Variants in GPC3 observed in about 807,000 individuals in gnomAD.
The protein encoded by GPC3 is glypican-3.
GPC3 carries 3 observed loss-of-function variants against 34.4 expected under a neutral mutation model. The observed-to-expected ratio is 0.09, with a 90% CI of 0.04 to 0.23. The LOEUF is 0.23. Among genes scored for constraint, GPC3 ranks in the 10% least tolerant of loss-of-function variants. GPC3 has a pLI of 1.00. For synonymous variants in GPC3, 177 were observed against 174.0 expected, an observed-to-expected ratio of 1.02 and a Z score of -0.13; for missense variants, 351 against 445.6, an observed-to-expected ratio of 0.79 and a Z score of 1.91.
chrX:133,541,377 CTTTATG>C lies in GPC3; in HGVS notation c.1574-5090_1574-5085del, dbSNP rs752245868. 3.4e-3 allele frequency among the ~76,000 whole-genome samples: 382 copies of C among 111,840 alleles called. 6 individuals are homozygous for C. The Middle Eastern group carries it at 0.046, about 14-fold the overall frequency. On this transcript the variant is annotated intron_variant, in intron 7 of 7. Transcript: ENST00000370818. The stretch of plus-strand genomic sequence containing the variant: ...CCATTCTCTTTTCAATCATTCATAT[CTTTATG>C]TTTATCAGTGATTTTCCAGAATGTA...
chrX:133,630,540 T>C (rs757982680), intron 6 of GPC3, among the ~76,000 whole-genome samples: 5 of 111,922 alleles, frequency 4.5e-5, no homozygotes, highest in Non-Finnish European at 7.5e-5. Context: ...GATGCCTTAA[T>C]GAAATTACGA....
At chrX:133,816,496 T>C (rs1331031495) in intron 2 of GPC3, among the ~76,000 whole-genome samples, 1 of 112,366 alleles carries the variant, frequency 8.9e-6, no homozygotes, top group African/African-American at 3.2e-5. Flanking sequence ...TTTATTATCA[T>C]GGCTACCCTT....
At chrX:133,572,801 G>A (rs2069645034) in intron 7 of GPC3, among the ~76,000 whole-genome samples, 1 of 111,615 alleles carries the variant, frequency 9.0e-6, no homozygotes, top group Admixed American at 9.5e-5. Flanking sequence ...ACAAAGCCCA[G>A]GCCCAGATGG....
chrX:133,563,312 C>T (rs372642021), intron 7 of GPC3, among the ~76,000 whole-genome samples: 1 of 111,257 alleles, frequency 9.0e-6, no homozygotes, highest in African/African-American at 3.3e-5. Flanking sequence ...CTCACTGACA[C>T]CTCAAACCCC....
intron 2 of GPC3, among the ~76,000 whole-genome samples, chrX:133,889,812 T>G (rs1191664812): frequency 3.8e-5 from 4 of 104,506 alleles, no homozygotes; most frequent in Non-Finnish European, 7.8e-5. Context: ...GGTTTCCTAT[T>G]ACCTACGATT....
At chrX:133,583,374 T>A (rs2069752618) in intron 7 of GPC3, among the ~76,000 whole-genome samples, 1 of 111,559 alleles carries the variant, frequency 9.0e-6, no homozygotes, top group South Asian at 3.9e-4. Flanking sequence ...TTATTATTTT[T>A]ATTTTTTTGA....
chrX:133,767,034 A>G (rs943833069), intron 2 of GPC3, among the ~76,000 whole-genome samples: 14 of 112,618 alleles, frequency 1.2e-4, no homozygotes, highest in African/African-American at 3.9e-4. Flanking sequence ...GACAGTAAGT[A>G]GAACAGCCAA....
At chrX:133,591,008 C>T (rs767532489) in intron 7 of GPC3, among the ~76,000 whole-genome samples, 28 of 111,777 alleles carry the variant, frequency 2.5e-4, no homozygotes, top group Non-Finnish European at 4.1e-4. Context: ...TTAGGACATA[C>T]GGGAGAAGCA....
At chrX:133,922,048 C>T (rs779600799) in intron 2 of GPC3, among the ~76,000 whole-genome samples, 4 of 112,593 alleles carry the variant, frequency 3.6e-5, no homozygotes, top group Non-Finnish European at 5.6e-5. Flanking sequence ...TCTGCCCCAT[C>T]TGGAACAGGA....
intron 3 of GPC3, among the ~76,000 whole-genome samples, chrX:133,723,627 T>C (rs2071387535): frequency 9.0e-6 from 1 of 110,660 alleles, no homozygotes; most frequent in Non-Finnish European, 1.9e-5. Context: ...TTGTTCTGAG[T>C]TCATGCAAGA....
chrX:133,887,202 T>C (rs756933032), intron 2 of GPC3, among the ~76,000 whole-genome samples: 2 of 112,286 alleles, frequency 1.8e-5, no homozygotes, highest in South Asian at 7.5e-4. Context: ...GAACAGGGTT[T>C]TACCATGTTG....
At chrX:133,645,861 A>G (rs1475592452) in intron 6 of GPC3, among the ~76,000 whole-genome samples, 1 of 110,854 alleles carries the variant, frequency 9.0e-6, no homozygotes, top group East Asian at 2.8e-4. Context: ...AAGAAAAAAA[A>G]GTGAGGAATT....
chrX:133,713,061 A>G (rs773194742), intron 3 of GPC3, among the ~76,000 whole-genome samples: 22 of 111,682 alleles, frequency 2.0e-4, no homozygotes, highest in African/African-American at 7.1e-4. Context: ...CTTCTGCAGA[A>G]TGTGTTTTTG....
chrX:133,776,322 A>C (rs1028948123), intron 2 of GPC3, among the ~76,000 whole-genome samples: 1 of 111,020 alleles, frequency 9.0e-6, no homozygotes. Context: ...AACAATCCCC[A>C]TGTCTCAGCC....
At chrX:133,655,488 A>C (rs751227635) in intron 6 of GPC3, among the ~76,000 whole-genome samples, 63 of 107,996 alleles carry the variant, frequency 5.8e-4, no homozygotes, top group Non-Finnish European at 4.4e-4. Flanking sequence ...ACACACACAC[A>C]CACACACACA....
chrX:133,752,294 A>G (rs1392557947), intron 3 of GPC3, among the ~76,000 whole-genome samples: 1 of 112,235 alleles, frequency 8.9e-6, no homozygotes, highest in Non-Finnish European at 1.9e-5. Context: ...GTATTAAACT[A>G]TCACATGTCC....
intron 2 of GPC3, among the ~76,000 whole-genome samples, chrX:133,927,040 C>T (rs934134224): frequency 1.8e-5 from 2 of 110,982 alleles, no homozygotes; most frequent in African/African-American, 6.6e-5. Flanking sequence ...TGGGAGGCAG[C>T]AGAGAGTGCA....
chrX:133,798,234 G>T (rs751224826), intron 2 of GPC3, among the ~76,000 whole-genome samples: 1 of 111,944 alleles, frequency 8.9e-6, no homozygotes, highest in Non-Finnish European at 1.9e-5. Context: ...CAGGCAGATG[G>T]TGTGATGATG....
chrX:133,626,613 C>A (rs1040036924), intron 6 of GPC3, among the ~76,000 whole-genome samples: 7 of 109,462 alleles, frequency 6.4e-5, no homozygotes, highest in Non-Finnish European at 1.1e-4. Context: ...AACCACAATG[C>A]GATACCATCT....
Sources: gnomAD v4.1 joint callset for allele counts (sites outside exome capture counted in the v4.1 genomes callset) on GRCh38, gnomAD v4.1.1 for gene constraint, MANE v1.5 for transcripts, NCBI Gene and HGNC (gene_info 2026-07-23, HGNC 2026-07-21) for gene names.